The following DUSP10 variants were observed in gnomAD, a reference collection of about 807,000 sequenced individuals.
DUSP10 encodes the protein dual specificity phosphatase 10, also known as dual specificity protein phosphatase 10.
In DUSP10, 14 loss-of-function variants were observed where a neutral mutation model predicts 30.8. The ratio of observed to expected loss-of-function variants is 0.46; its 90% CI spans 0.30 to 0.71. DUSP10 has a LOEUF of 0.71. Among genes scored for constraint, DUSP10 ranks in the 30% least tolerant of loss-of-function variants. DUSP10 has a pLI of 0.08. For synonymous variants in DUSP10, 254 were observed against 250.4 expected (o/e 1.01, Z -0.14); for missense variants, 550 against 619.4 (o/e 0.89, Z 1.19).
At chr1:221,725,076 G>T (rs1661387257) in intron 2 of DUSP10, among the ~76,000 whole-genome samples, 1 of 152,138 alleles carries the variant, frequency 6.6e-6, no homozygotes, top group African/African-American at 2.4e-5. Context: ...AAACTGCAGA[G>T]AGGAGCTTTG....
At position 221,736,571 on chromosome 1, in the gene DUSP10, A is replaced by T. The variant is rs185535304; in HGVS notation, c.811+2363T>A. On this transcript the variant is annotated intron_variant, in intron 2 of 3. Transcript: ENST00000366899. ...AGTCTGCTGGTCATGCCTTTGGGGAATGCCCACCCCGTCTTTCACCACAGT... is the reference window on the plus strand; with the variant it reads ...AGTCTGCTGGTCATGCCTTTGGGGATTGCCCACCCCGTCTTTCACCACAGT... Among the ~76,000 whole-genome samples, 93 of 152,312 alleles carry T rather than the reference A, an allele frequency of 6.1e-4. No individual in the cohort carries two copies. The East Asian group carries it at 0.016, about 26-fold the overall frequency.
chr1:221,729,181 TA>T (rs1054722858), intron 2 of DUSP10, among the ~76,000 whole-genome samples: 2 of 152,224 alleles, frequency 1.3e-5, no homozygotes, highest in Non-Finnish European at 1.5e-5. Context: ...TTTTATTCCT[TA>T]AAAAACTGTC....
chr1:221,716,076 C>T (rs186765871), intron 2 of DUSP10, among the ~76,000 whole-genome samples: 1 of 152,054 alleles, frequency 6.6e-6, no homozygotes, highest in Admixed American at 6.5e-5. Flanking sequence ...CTCCCTACAC[C>T]TTCTCTGTCT....
At position 221,739,578 on chromosome 1, in the gene DUSP10, G is replaced by A. The variant is rs757592372; in HGVS notation, c.167C>T (p.Ala56Val). ...GGATGAGGGCATATACGTCAGATTC[G>A]CAGCCTTGAGGGACACAACGGTGGT... ...IATTVVSLKA[A>V]NLTYMPSSSG... The change falls in exon 2 of 4, where the codon GCG becomes GTG. Residue 56 changes from alanine (A) to valine (V), a missense_variant. Physicochemically the swap from Ala to Val is moderately conservative, Grantham distance 64 (BLOSUM62 0). Transcript: ENST00000366899. The A allele has an allele frequency of 6.8e-6, 11 of 1,614,060 alleles. No individual in the cohort carries two copies. Among genetic ancestry groups the A allele is most frequent in the South Asian group, 3.3e-5 (3 of 91,090 alleles).
rs1456398508 is a variant in DUSP10, at chr1:221,702,283, C to T, written c.*129G>A. The T allele has an allele frequency of 2.8e-6, 3 of 1,081,966 alleles. No individual in the cohort carries two copies. In the Admixed American group the frequency reaches 7.0e-5, roughly 25 times the overall value. The allele number at this position is 1,081,966 out of a possible 1,614,324, so 67.0% of individuals were successfully genotyped here. A position where few individuals can be genotyped will look rare whatever the true frequency, so the allele number is the denominator to read the frequency against. ...ACTTGTTAAAAATAAAGTGTTTAAA[C>T]AAGTTTGTTTCCATTCACAAACTTA... is the stretch of plus-strand genomic sequence containing the variant. On this transcript the variant is annotated 3_prime_UTR_variant, in exon 4 of 4. Coordinates refer to ENST00000366899, the MANE Select transcript of DUSP10 (RefSeq NM_007207.6). This position sits in a 1 kb window ranked among gnomAD's most constrained non-coding sequence, Gnocchi z 4.5.
At chr1:221,734,602 T>C (rs1205290515) in intron 2 of DUSP10, among the ~76,000 whole-genome samples, 1 of 152,228 alleles carries the variant, frequency 6.6e-6, no homozygotes, top group Non-Finnish European at 1.5e-5. Flanking sequence ...TTGAGATAGC[T>C]ATTGTTATAT....
At chr1:221,735,582 T>A (rs79549868) in intron 2 of DUSP10, among the ~76,000 whole-genome samples, 3,461 of 152,212 alleles carry the variant, frequency 0.023, 113 homozygotes, top group African/African-American at 0.079. Flanking sequence ...AGAAAGCAAA[T>A]AGGAAAAATA....
In DUSP10 at chr1:221,721,943, T is replaced by C. The variant is rs12030868; in HGVS notation, c.812-15477A>G. On this transcript the variant is annotated intron_variant, in intron 2 of 3. Transcript: ENST00000366899. Reference sequence around the variant, plus strand: ...GCTTGCTGACCCTCTCACTTAGATGTGGTAAGCAGTAACAGATGATTCTGA... The same window carrying C: ...GCTTGCTGACCCTCTCACTTAGATGCGGTAAGCAGTAACAGATGATTCTGA... Among the ~76,000 whole-genome samples the C allele has an allele frequency of 8.6e-3, 1,311 of 152,284 alleles. 45 individuals are homozygous for C. The highest frequency in any genetic ancestry group is 0.061 in the East Asian group (316 of 5,176).
At chr1:221,725,310 A>G (rs1286298059) in intron 2 of DUSP10, among the ~76,000 whole-genome samples, 2 of 152,220 alleles carry the variant, frequency 1.3e-5, no homozygotes, top group Admixed American at 1.3e-4. Context: ...GTGTTCTCAA[A>G]GTTTGTTTTA....
rs777982733 is a variant in DUSP10, at chr1:221,706,490, A to G, written c.812-24T>C. ...ACCTAGAACACAAACACAGAAGGTG[A>G]GTGTGACTGAGATTTCAGAGCTGGC... On this transcript the variant is annotated intron_variant, in intron 2 of 3. Transcript: ENST00000366899. This position sits in a 1 kb window ranked among gnomAD's most constrained non-coding sequence, Gnocchi z 4.6. The G allele has an allele frequency of 6.3e-6, 9 of 1,437,662 alleles. No individual in the cohort carries two copies. In the South Asian group the frequency reaches 1.4e-4, roughly 22 times the overall value. The allele number at this position is 1,437,662 out of a possible 1,614,324, so 89.1% of individuals were successfully genotyped here.
chr1:221,712,777 C>CAAAAAAAA (rs58249338), intron 2 of DUSP10, among the ~76,000 whole-genome samples: 592 of 56,752 alleles, frequency 0.01, 39 homozygotes, highest in African/African-American at 0.02. Context: ...TATAAAGCAG[C>CAAAAAAAA]AAAAAAAAAA....
chr1:221,706,046 G>A lies in DUSP10; in HGVS notation c.1183+49C>T. 6.3e-7 allele frequency: 1 copy of A among 1,576,204 alleles called. No homozygotes were observed. Among genetic ancestry groups the A allele is most frequent in the African/African-American group, 1.4e-5 (1 of 73,836 alleles). ...GAACTTGATATCAAAGCAAGAGCTGGAGGGAAAAGGAAGGCAGCGGATGAA... is the reference window on the plus strand; with the variant it reads ...GAACTTGATATCAAAGCAAGAGCTGAAGGGAAAAGGAAGGCAGCGGATGAA... On this transcript the variant is annotated intron_variant, in intron 3 of 3. Transcript: ENST00000366899. This position sits in a 1 kb window ranked among gnomAD's most constrained non-coding sequence, Gnocchi z 4.6.
intron 2 of DUSP10, chr1:221,736,752 A>G (rs2102654045): frequency 2.1e-6 from 2 of 932,892 alleles, no homozygotes; most frequent in Middle Eastern, 5.5e-4. Flanking sequence ...TATAAAGTAG[A>G]ATATAGACCC....
At chr1:221,738,641 T>C (rs1030037901) in intron 2 of DUSP10, among the ~76,000 whole-genome samples, 2 of 152,198 alleles carry the variant, frequency 1.3e-5, no homozygotes, top group Admixed American at 1.3e-4. Context: ...CTGGTGTGTA[T>C]AAAGCCCCTT....
rs1419186116 is a variant in DUSP10, at chr1:221,706,827, G to A, written c.812-361C>T. The stretch of plus-strand genomic sequence containing the variant: ...AGCCATATGCTCAGTGGCCTACATA[G>A]AACCCTGTGCTTTGGGAGCCAAGAA... On this transcript the variant is annotated intron_variant, in intron 2 of 3. Transcript: ENST00000366899. This position sits in a 1 kb window ranked among gnomAD's most constrained non-coding sequence, Gnocchi z 4.6. Among the ~76,000 whole-genome samples the A allele has an allele frequency of 6.6e-6, 1 of 152,084 alleles. No homozygotes were observed. The highest frequency in any genetic ancestry group is 6.5e-5 in the Admixed American group (1 of 15,278).
chr1:221,731,412 A>AG (rs11400899), intron 2 of DUSP10, among the ~76,000 whole-genome samples: 8,470 of 152,076 alleles, frequency 0.056, 678 homozygotes, highest in African/African-American at 0.17. Context: ...GTACAAAATT[A>AG]GGGGGTCCAA....
In DUSP10 at chr1:221,739,476, T is replaced by C. The variant is rs767521771; in HGVS notation, c.269A>G (p.Asn90Ser). 1.2e-6 allele frequency: 2 copies of C among 1,614,136 alleles called. No individual in the cohort carries two copies. Among genetic ancestry groups the C allele is most frequent in the South Asian group, 1.1e-5 (1 of 91,078 alleles). ...GGCAATGGCTTGGGTTTGGGCCTGA[T>C]TGTCCTTGTCGTAGGTTGCCACAGT... ...CCTVATYDKD[N>S]QAQTQAIAAG... Residue 90 changes from asparagine (N) to serine (S), a missense_variant, in exon 2 of 4, where the codon AAT becomes AGT. Coordinates refer to ENST00000366899, the MANE Select transcript of DUSP10 (RefSeq NM_007207.6).
At chr1:221,733,785 T>C (rs1366643553) in intron 2 of DUSP10, among the ~76,000 whole-genome samples, 3 of 152,234 alleles carry the variant, frequency 2.0e-5, no homozygotes, top group African/African-American at 7.2e-5. Context: ...TGGAAATGCC[T>C]AGATTTGAAC....
chr1:221,730,359 C>T (rs146731708), intron 2 of DUSP10, among the ~76,000 whole-genome samples: 4 of 152,198 alleles, frequency 2.6e-5, no homozygotes, highest in Middle Eastern at 3.2e-3. Flanking sequence ...CCTGATGCGA[C>T]CCCCTGGCTC....
Sources: gnomAD v4.1 joint callset for allele counts (sites outside exome capture counted in the v4.1 genomes callset) on GRCh38, gnomAD v4.1.1 for gene constraint, Gnocchi (gnomAD v3.1) non-coding constraint, MANE v1.5 for transcripts, NCBI Gene and HGNC (gene_info 2026-07-23, HGNC 2026-07-21) for gene names.